ATP2A2: variants seen among roughly 807,000 people sequenced by gnomAD.
ATP2A2 encodes the protein sarcoplasmic/endoplasmic reticulum calcium ATPase 2.
A neutral mutation model predicts 109.3 loss-of-function variants in ATP2A2; 14 were observed. The observed-to-expected ratio is 0.13, with a 90% confidence interval of 0.08 to 0.20. The LOEUF is 0.20. Among genes scored for constraint, ATP2A2 ranks in the 10% least tolerant of loss-of-function variants. ATP2A2 has a pLI of 1.00. For synonymous variants in ATP2A2, 506 were observed against 490.9 expected (o/e 1.03, Z -0.41); for missense variants, 657 against 1,321.6 (o/e 0.50, Z 7.80).
chr12:110,299,954 C>G (rs1269171027), intron 5 of ATP2A2, among the ~76,000 whole-genome samples: 2 of 151,800 alleles, frequency 1.3e-5, no homozygotes, highest in Admixed American at 1.3e-4. Context: ...TGGGGTTTCT[C>G]CATGTTGGTC....
Position 110,327,902 on chromosome 12 carries a change from C to G in ATP2A2, c.980C>G (p.Ala327Gly). The change falls in exon 8 of 20, where the codon GCA (alanine) becomes GGA (glycine). Residue 327 changes from alanine (A) to glycine (G), a missense_variant. Transcript: ENST00000539276. The surrounding 1 kb of genome is among the most constrained non-coding windows in gnomAD (Gnocchi z 4.4). ...TCLALGTRRM[A>G]KKNAIVRSLP... ...CTGGCTCTTGGAACTCGCAGAATGG[C>G]AAAGAAAAATGCCATTGTTCGAAGC... The G allele has an allele frequency of 6.2e-7, 1 of 1,613,984 alleles. No homozygotes were observed. Among genetic ancestry groups the G allele is most frequent in the Non-Finnish European group, 8.5e-7 (1 of 1,179,904 alleles).
rs75730213 is a variant in ATP2A2 at position 110,324,038 on chromosome 12, A to G, written c.544+966A>G. ...AATTGTACTACCTGGAATTTGCACA[A>G]TTGTTTGAAACATTTTCCCGTTTTT... On this transcript the variant is annotated intron_variant, in intron 6 of 19. Coordinates refer to ENST00000539276, the MANE Select transcript of ATP2A2 (RefSeq NM_170665.4). Among the ~76,000 whole-genome samples, 1,310 of 152,306 alleles carry G rather than the reference A, an allele frequency of 8.6e-3. 14 individuals are homozygous for G. Among genetic ancestry groups the G allele is most frequent in the Non-Finnish European group, 0.013 (886 of 68,008 alleles).
At chr12:110,320,523 C>T (rs1566224139) in intron 5 of ATP2A2, among the ~76,000 whole-genome samples, 1 of 152,302 alleles carries the variant, frequency 6.6e-6, no homozygotes, top group South Asian at 2.1e-4. Flanking sequence ...TTAATCATGA[C>T]AGGCAGAAAT....
chr12:110,340,446 AAG>A lies in ATP2A2; in HGVS notation c.1762-210_1762-209del, dbSNP rs558765213. On this transcript the variant is annotated intron_variant, in intron 13 of 19. Coordinates refer to ENST00000539276, the MANE Select transcript of ATP2A2 (RefSeq NM_170665.4). The surrounding 1 kb of genome is among the most constrained non-coding windows in gnomAD (Gnocchi z 6.0). ...CCAGCTACCCTGGAGGCTGAGGCAG[AAG>A]AGTCTCTTGAACCTGGGAGGCGGAG... Among the ~76,000 whole-genome samples, 222 of 152,048 alleles carry A rather than the reference AAG, an allele frequency of 1.5e-3. 2 individuals carry two copies. The highest frequency in any genetic ancestry group is 2.4e-3 in the Non-Finnish European group (162 of 67,964).
In ATP2A2 at chr12:110,296,742, G is replaced by A. The variant is rs1287952366; in HGVS notation, c.463+5G>A. ...GTGATATTGTAGAAATTGCTGGTGAGTTGAGTTTGTCATTTTTCTTTTATT... is the reference window on the plus strand; with the variant it reads ...GTGATATTGTAGAAATTGCTGGTGAATTGAGTTTGTCATTTTTCTTTTATT... On this transcript the variant is annotated splice_donor_5th_base_variant and intron_variant, in intron 5 of 19. Transcript: ENST00000539276. 3 of 1,614,106 alleles carry A rather than the reference G, an allele frequency of 1.9e-6. No homozygotes were observed. The highest frequency in any genetic ancestry group is 1.7e-6 in the Non-Finnish European group (2 of 1,179,978).
Position 110,292,139 on chromosome 12 carries a change from C to G in ATP2A2, c.324+15C>G. Reference sequence around the variant, plus strand: ...GTGTATGGCAGGTAAGCAAAAATTCCTGTACTGCAAAATTTCAATAAGTTA... The same window carrying G: ...GTGTATGGCAGGTAAGCAAAAATTCGTGTACTGCAAAATTTCAATAAGTTA... On this transcript the variant is annotated intron_variant, in intron 4 of 19. Transcript: ENST00000539276. 1 of 1,579,966 alleles carries G rather than the reference C, an allele frequency of 6.3e-7. No individual in the cohort carries two copies. Among genetic ancestry groups the G allele is most frequent in the Non-Finnish European group, 8.7e-7 (1 of 1,149,008 alleles).
At chr12:110,303,180 C>T (rs932237365) in intron 5 of ATP2A2, among the ~76,000 whole-genome samples, 5 of 152,168 alleles carry the variant, frequency 3.3e-5, no homozygotes, top group African/African-American at 1.2e-4. Context: ...AACATAGTTG[C>T]TGTGCAGAAC....
intron 18 of ATP2A2, 46 bp from the exon 19 acceptor site, chr12:110,345,955 T>C: frequency 1.3e-6 from 2 of 1,582,006 alleles, no homozygotes; most frequent in Non-Finnish European, 1.7e-6. Flanking sequence ...CTGTGACACG[T>C]GCCTTGCCTT....
chr12:110,325,002 T>G (rs1877635821), intron 6 of ATP2A2, among the ~76,000 whole-genome samples: 1 of 151,290 alleles, frequency 6.6e-6, no homozygotes, highest in Non-Finnish European at 1.5e-5. Context: ...TTAGTAGAGA[T>G]AGGGTTTTGC....
At chr12:110,304,140 G>A (rs1874990968) in intron 5 of ATP2A2, among the ~76,000 whole-genome samples, 1 of 152,194 alleles carries the variant, frequency 6.6e-6, no homozygotes, top group African/African-American at 2.4e-5. Context: ...AATATAGCAT[G>A]TATTTCATTC....
chr12:110,336,582 C>T (rs886737853), intron 11 of ATP2A2, among the ~76,000 whole-genome samples: 1 of 152,180 alleles, frequency 6.6e-6, no homozygotes, highest in Non-Finnish European at 1.5e-5. Flanking sequence ...TCATGTCCAG[C>T]CTGCAGTTAG....
chr12:110,333,873 G>A, intron 10 of ATP2A2, 139 bp from the exon 11 acceptor site: 1 of 1,076,572 alleles, frequency 9.3e-7, no homozygotes, highest in Admixed American at 2.0e-5. Context: ...TGGGTCACCT[G>A]TTTCAGAGGA....
At chr12:110,300,066 C>T (rs1176725773) in intron 5 of ATP2A2, among the ~76,000 whole-genome samples, 2 of 150,996 alleles carry the variant, frequency 1.3e-5, no homozygotes, top group Admixed American at 1.3e-4. Context: ...TAAAGCAGCT[C>T]CTTCCGTCAG....
intron 5 of ATP2A2, among the ~76,000 whole-genome samples, chr12:110,321,456 G>T (rs550253249): frequency 1.3e-5 from 2 of 152,198 alleles, no homozygotes; most frequent in African/African-American, 4.8e-5. Flanking sequence ...AGAAAATCAC[G>T]GACAGCTGTT....
At position 110,346,581 on chromosome 12, in the gene ATP2A2, G is replaced by A. The variant is rs1005612415; in HGVS notation, c.*111G>A. 13 of 1,543,966 alleles carry A rather than the reference G, an allele frequency of 8.4e-6. No homozygotes were observed. Among genetic ancestry groups the A allele is most frequent in the Non-Finnish European group, 1.1e-5 (13 of 1,150,526 alleles). ...TCACATGAACATACTGGCTGGTGATGGAGGTTTCATACTCTAGATTTTGTT... is the reference window on the plus strand; with the variant it reads ...TCACATGAACATACTGGCTGGTGATAGAGGTTTCATACTCTAGATTTTGTT... On this transcript the variant is annotated 3_prime_UTR_variant, in exon 20 of 20. Coordinates refer to ENST00000539276, the MANE Select transcript of ATP2A2 (RefSeq NM_170665.4).
chr12:110,336,295 G>A (rs1046303998), intron 11 of ATP2A2, among the ~76,000 whole-genome samples: 1 of 152,198 alleles, frequency 6.6e-6, no homozygotes, highest in African/African-American at 2.4e-5. Flanking sequence ...GGGGAGGAGA[G>A]AGGTAAAACT....
At chr12:110,281,230 A>T (rs1169176630), upstream of ATP2A2, 2 of 151,010 alleles carry the variant, frequency 1.3e-5, no homozygotes, top group Non-Finnish European at 3.0e-5. Flanking sequence ...AAGGGGAGGC[A>T]GCGGCCGATA....
intron 4 of ATP2A2, among the ~76,000 whole-genome samples, chr12:110,294,352 T>C (rs1046333050): frequency 6.6e-6 from 1 of 152,174 alleles, no homozygotes. Flanking sequence ...CTTCTTCTTA[T>C]GTTTTTCTCA....
chr12:110,308,133 A>G (rs951339303), intron 5 of ATP2A2, among the ~76,000 whole-genome samples: 2 of 152,120 alleles, frequency 1.3e-5, no homozygotes, highest in Non-Finnish European at 2.9e-5. Context: ...AATAGTTTTT[A>G]TGGGTTCCTT....
Sources: allele counts gnomAD v4.1 joint callset (sites outside exome capture counted in the v4.1 genomes callset), GRCh38; gene constraint gnomAD v4.1.1; non-coding constraint Gnocchi (gnomAD v3.1); transcripts MANE v1.5; gene names NCBI Gene and HGNC (gene_info 2026-07-23, HGNC 2026-07-21).